The following CREB1 variants were observed in gnomAD, a reference collection of about 807,000 sequenced individuals.
The protein encoded by CREB1 is cyclic AMP-responsive element-binding protein 1.
Under a neutral mutation model 42.0 loss-of-function variants are expected in CREB1, and 2 were observed. The observed-to-expected ratio is 0.05, with a 90% CI of 0.02 to 0.15. CREB1 has a LOEUF of 0.15. CREB1 is among the 10% of genes least tolerant of loss of function. The pLI is 1.00. For missense variants in CREB1, 199 were observed against 388.9 expected (o/e 0.51, Z 4.11); for synonymous variants, 123 against 139.9 (o/e 0.88, Z 0.85).
chr2:207,567,729 A>G (rs977186311), intron 4 of CREB1, 166 bp downstream of exon 4: 1 of 468,256 alleles, frequency 2.1e-6, no homozygotes, highest in Non-Finnish European at 3.8e-6. Flanking sequence ...ATCCTACAGA[A>G]TAAGAAGAGC....
rs2087776285 is a variant in CREB1, at chr2:207,604,683, A to G, written c.*7625A>G. ...ACAATGGTGTACAACCACCACTTCT[A>G]TCTAGCTCCAAAACATTCTCATCAC... is the stretch of plus-strand genomic sequence containing the variant. On this transcript the variant is annotated 3_prime_UTR_variant, in exon 8 of 8. Coordinates refer to ENST00000353267, the MANE Select transcript of CREB1 (RefSeq NM_004379.5). 6.6e-6 allele frequency among the ~76,000 whole-genome samples: 1 copy of G among 152,182 alleles called. No homozygotes were observed. Among genetic ancestry groups the G allele is most frequent in the African/African-American group, 2.4e-5 (1 of 41,446 alleles).
intron 5 of CREB1, among the ~76,000 whole-genome samples, chr2:207,573,764 A>G (rs549368421): frequency 6.6e-6 from 1 of 152,320 alleles, no homozygotes; most frequent in East Asian, 1.9e-4. Context: ...AAAACTGTTC[A>G]GTGATGGAAC....
Position 207,603,748 on chromosome 2 carries a change from C to A in CREB1, c.*6690C>A, listed in dbSNP as rs2551929. Among the ~76,000 whole-genome samples, 128,441 of 152,148 alleles carry A rather than the reference C, an allele frequency of 0.84. 54,408 individuals carry two copies. Among genetic ancestry groups the A allele is most frequent in the East Asian group, 1 (5,177 of 5,182 alleles). On this transcript the variant is annotated 3_prime_UTR_variant, in exon 8 of 8. Coordinates refer to ENST00000353267, the MANE Select transcript of CREB1 (RefSeq NM_004379.5). ...CGTGTTCACTGAAAGGACAATAAGA[C>A]TATATACCTTCTCAGGTCCCCTTGC...
intron 7 of CREB1, among the ~76,000 whole-genome samples, chr2:207,594,991 C>CTTTT (rs751274446): frequency 2.9e-4 from 34 of 118,840 alleles, no homozygotes; most frequent in Admixed American, 3.5e-4. Flanking sequence ...TGTTGAGCAT[C>CTTTT]TTTTTTTTTT....
intron 7 of CREB1, among the ~76,000 whole-genome samples, chr2:207,592,512 C>G (rs2085249141): frequency 6.6e-6 from 1 of 152,144 alleles, no homozygotes; most frequent in Non-Finnish European, 1.5e-5. Context: ...TGATTTGCAG[C>G]AATTCAAATA....
intron 7 of CREB1, among the ~76,000 whole-genome samples, chr2:207,585,114 T>C (rs534110707): frequency 6.4e-4 from 98 of 152,280 alleles, no homozygotes; most frequent in Non-Finnish European, 1.3e-3. Flanking sequence ...TCTGGAATCA[T>C]GAAGGCCAGC....
intron 4 of CREB1, 26 bp from the exon 5 acceptor site, chr2:207,570,153 A>T: frequency 6.5e-7 from 1 of 1,547,212 alleles, no homozygotes; most frequent in Non-Finnish European, 8.8e-7. Context: ...TATATTTTTA[A>T]TTATTCTAGT....
In CREB1 at chr2:207,604,958, T is replaced by C. The variant is rs1317072340; in HGVS notation, c.*7900T>C. Among the ~76,000 whole-genome samples the C allele has an allele frequency of 6.6e-6, 1 of 152,244 alleles. No homozygotes were observed. The highest frequency in any genetic ancestry group is 2.4e-5 in the African/African-American group (1 of 41,470). On this transcript the variant is annotated 3_prime_UTR_variant, in exon 8 of 8. Coordinates refer to ENST00000353267, the MANE Select transcript of CREB1 (RefSeq NM_004379.5). ...TATAGTAAGTATGCCATTGTAGATA[T>C]ATACCACAAGTTTATCGATTCATCC...
chr2:207,542,277 C>G (rs1443934314), intron 1 of CREB1, among the ~76,000 whole-genome samples: 2 of 152,150 alleles, frequency 1.3e-5, no homozygotes, highest in East Asian at 3.8e-4. Flanking sequence ...CAAATTTTCC[C>G]CCATCTTCAC....
At chr2:207,593,507 G>A (rs1246854795) in intron 7 of CREB1, among the ~76,000 whole-genome samples, 1 of 152,162 alleles carries the variant, frequency 6.6e-6, no homozygotes, top group Non-Finnish European at 1.5e-5. Flanking sequence ...TCCAGCCTGG[G>A]CAGCAGAGCA....
chr2:207,594,819 C>T (rs1477858920), intron 7 of CREB1, among the ~76,000 whole-genome samples: 1 of 152,028 alleles, frequency 6.6e-6, no homozygotes. Context: ...GCAGCTGCAC[C>T]ATTTTACATT....
intron 1 of CREB1, among the ~76,000 whole-genome samples, chr2:207,550,088 TTATAGA>T (rs2081446345): frequency 6.6e-6 from 1 of 152,208 alleles, no homozygotes; most frequent in Admixed American, 6.5e-5. Flanking sequence ...ATGTAGGTAC[TTATAGA>T]TATATTTATG....
chr2:207,576,213 G>A (rs868504282), intron 6 of CREB1, among the ~76,000 whole-genome samples: 52 of 143,380 alleles, frequency 3.6e-4, no homozygotes, highest in African/African-American at 1.2e-3. Flanking sequence ...TTAAATTCTC[G>A]ACAAATTATA....
At chr2:207,575,078 G>C (rs2082521428) in intron 5 of CREB1, among the ~76,000 whole-genome samples, 194 bp from the exon 6 acceptor site, 1 of 152,168 alleles carries the variant, frequency 6.6e-6, no homozygotes, top group Non-Finnish European at 1.5e-5. Context: ...AGTTCATAGA[G>C]TGCATTTCTA....
Position 207,575,466 on chromosome 2 carries a change from CAGAA to C in CREB1, c.688+13_688+16del. ...AGTTGTTGTTCAAGGTAAGGGAATT[CAGAA>C]TTCACAGGTGTGGTAAATTCTTCAA... is the stretch of plus-strand genomic sequence containing the variant. On this transcript the variant is annotated intron_variant, in intron 6 of 7. Coordinates refer to ENST00000353267, the MANE Select transcript of CREB1 (RefSeq NM_004379.5). 1 of 1,590,500 alleles carries C rather than the reference CAGAA, an allele frequency of 6.3e-7. No individual in the cohort carries two copies. The highest frequency in any genetic ancestry group is 1.1e-5 in the South Asian group (1 of 88,386).
chr2:207,588,009 T>G (rs1280536070), intron 7 of CREB1, among the ~76,000 whole-genome samples: 1 of 152,244 alleles, frequency 6.6e-6, no homozygotes, highest in Non-Finnish European at 1.5e-5. Context: ...TTACCATAAT[T>G]TGATCATTAC....
chr2:207,601,496 T>G lies in CREB1; in HGVS notation c.*4438T>G, dbSNP rs2087047934. 1.0e-5 allele frequency: 2 copies of G among 193,964 alleles called. No homozygotes were observed. Among genetic ancestry groups the G allele is most frequent in the South Asian group, 3.9e-4 (2 of 5,168 alleles). The allele number at this position is 193,964 out of a possible 1,614,324, so 12.0% of individuals were successfully genotyped here. On this transcript the variant is annotated 3_prime_UTR_variant, in exon 8 of 8. Transcript: ENST00000353267. ...TTAAAAGACGGGCTCAAACCTTGTT[T>G]TATTCTTTTTCATCTTGGATGAAGA... is the stretch of plus-strand genomic sequence containing the variant.
intron 5 of CREB1, among the ~76,000 whole-genome samples, chr2:207,574,961 G>A (rs2082516378): frequency 6.6e-6 from 1 of 152,172 alleles, no homozygotes. Flanking sequence ...ATAAAAGAAA[G>A]GATCACAGAG....
At chr2:207,551,573 A>C (rs934806810) in intron 1 of CREB1, among the ~76,000 whole-genome samples, 8 of 152,296 alleles carry the variant, frequency 5.3e-5, no homozygotes, top group African/African-American at 1.9e-4. Flanking sequence ...ATGGATGGGA[A>C]TATCTCTATT....
Sources: allele counts gnomAD v4.1 joint callset (sites outside exome capture counted in the v4.1 genomes callset), GRCh38; gene constraint gnomAD v4.1.1; transcripts MANE v1.5; gene names NCBI Gene and HGNC (gene_info 2026-07-23, HGNC 2026-07-21).